CDK14: variants seen among roughly 807,000 people sequenced by gnomAD.
CDK14 encodes the protein cyclin-dependent kinase 14.
CDK14 carries 34 observed loss-of-function variants against 60.7 expected under a neutral mutation model. The observed-to-expected ratio is 0.56, with a 90% CI of 0.43 to 0.75. CDK14 has a LOEUF of 0.75. Among genes scored for constraint, CDK14 ranks in the 30% least tolerant of loss-of-function variants. CDK14 has a pLI of 0.00. For missense variants in CDK14, 482 were observed against 564.1 expected (o/e 0.85, Z 1.47); for synonymous variants, 197 against 203.7 (o/e 0.97, Z 0.28).
intron 14 of CDK14, among the ~76,000 whole-genome samples, chr7:91,135,787 G>T (rs1800262017): frequency 6.6e-6 from 1 of 152,116 alleles, no homozygotes; most frequent in Non-Finnish European, 1.5e-5. Context: ...CAGCACAAAA[G>T]AAGGGAATTT....
intron 14 of CDK14, among the ~76,000 whole-genome samples, chr7:91,188,670 G>C (rs969411532): frequency 6.6e-6 from 1 of 152,188 alleles, no homozygotes; most frequent in South Asian, 2.1e-4. Context: ...CAAATCGTCT[G>C]TCTTGGTGCT....
chr7:90,692,718 A>G (rs989051056), intron 2 of CDK14: 6 of 908,670 alleles, frequency 6.6e-6, no homozygotes, highest in Non-Finnish European at 7.9e-6. Flanking sequence ...TATATAATTT[A>G]TTTCCAAAGG....
chr7:91,118,744 G>T (rs892957405), intron 14 of CDK14, among the ~76,000 whole-genome samples: 1 of 152,178 alleles, frequency 6.6e-6, no homozygotes, highest in Non-Finnish European at 1.5e-5. Flanking sequence ...GTTTAGTTTA[G>T]CTCCCATCTG....
chr7:90,640,104 G>C (rs929947864), intron 2 of CDK14, among the ~76,000 whole-genome samples: 1 of 152,100 alleles, frequency 6.6e-6, no homozygotes, highest in Non-Finnish European at 1.5e-5. Context: ...TGCTTCAGCT[G>C]GCGCACGGTG....
At chr7:90,894,719 C>T (rs982276144) in intron 6 of CDK14, among the ~76,000 whole-genome samples, 1 of 152,158 alleles carries the variant, frequency 6.6e-6, no homozygotes, top group Non-Finnish European at 1.5e-5. Context: ...TAGAGTTCAT[C>T]TTATTTATGC....
In CDK14 at chr7:90,786,425, T is replaced by C. The variant is rs909488954; in HGVS notation, c.465-4148T>C. Among the ~76,000 whole-genome samples the C allele has an allele frequency of 7.8e-4, 119 of 152,230 alleles. 1 individual carries two copies. Among genetic ancestry groups the C allele is most frequent in the Non-Finnish European group, 2.1e-4 (14 of 68,028 alleles). On this transcript the variant is annotated intron_variant, in intron 4 of 14. Coordinates refer to ENST00000380050, the MANE Select transcript of CDK14 (RefSeq NM_001287135.2). ...TATTGATTCAATTTGAATTTTGTGA[T>C]TATTTCAAGTTATTTAAATCAACGT...
intron 11 of CDK14, among the ~76,000 whole-genome samples, chr7:91,051,273 G>A (rs1366898268): frequency 6.6e-6 from 1 of 152,048 alleles, no homozygotes; most frequent in Non-Finnish European, 1.5e-5. Flanking sequence ...CTCCAACATT[G>A]GGGATCACAT....
At chr7:91,181,260 T>C (rs1801991924) in intron 14 of CDK14, among the ~76,000 whole-genome samples, 1 of 152,196 alleles carries the variant, frequency 6.6e-6, no homozygotes, top group Non-Finnish European at 1.5e-5. Flanking sequence ...TCATAAAATT[T>C]TGTGGAAGAA....
At chr7:91,012,254 A>G (rs1011860358) in intron 10 of CDK14, among the ~76,000 whole-genome samples, 2 of 152,188 alleles carry the variant, frequency 1.3e-5, no homozygotes, top group African/African-American at 4.8e-5. Context: ...TACTCTGGCC[A>G]TGGGAATAGG....
intron 1 of CDK14, among the ~76,000 whole-genome samples, chr7:90,600,067 A>T (rs1479107783): frequency 1.3e-5 from 2 of 152,204 alleles, no homozygotes; most frequent in African/African-American, 4.8e-5. Context: ...GCTCTAATTT[A>T]TGACATCTGC....
chr7:90,780,775 G>A (rs1231844422), intron 4 of CDK14, among the ~76,000 whole-genome samples: 1 of 151,922 alleles, frequency 6.6e-6, no homozygotes, highest in Non-Finnish European at 1.5e-5. Context: ...GTGTATATGT[G>A]CCACATTTTC....
intron 6 of CDK14, among the ~76,000 whole-genome samples, chr7:90,870,044 G>A (rs546027063): frequency 6.6e-6 from 1 of 152,328 alleles, no homozygotes; most frequent in Non-Finnish European, 1.5e-5. Flanking sequence ...AAGAAAGTGA[G>A]TATCTAGCAT....
intron 5 of CDK14, among the ~76,000 whole-genome samples, chr7:90,839,083 A>G (rs1448522478): frequency 6.6e-6 from 1 of 152,058 alleles, no homozygotes; most frequent in African/African-American, 2.4e-5. Flanking sequence ...CTTTCTCTTT[A>G]TTTCTCAGAC....
At chr7:90,833,186 T>G (rs1267227825) in intron 5 of CDK14, among the ~76,000 whole-genome samples, 3 of 152,204 alleles carry the variant, frequency 2.0e-5, no homozygotes, top group Non-Finnish European at 4.4e-5. Context: ...ATGGGGATGC[T>G]TCCAACTATT....
At chr7:90,644,873 A>G (rs917960549) in intron 2 of CDK14, among the ~76,000 whole-genome samples, 1 of 152,196 alleles carries the variant, frequency 6.6e-6, no homozygotes, top group Non-Finnish European at 1.5e-5. Flanking sequence ...TGTAATGAGA[A>G]TATACATATA....
chr7:90,669,113 G>T (rs1293645371), intron 2 of CDK14, among the ~76,000 whole-genome samples: 1 of 151,718 alleles, frequency 6.6e-6, no homozygotes, highest in African/African-American at 2.4e-5. Flanking sequence ...TACCTCATCT[G>T]CCATCCCATC....
At chr7:90,926,077 A>G (rs966729759) in intron 8 of CDK14, among the ~76,000 whole-genome samples, 2 of 152,178 alleles carry the variant, frequency 1.3e-5, no homozygotes, top group African/African-American at 4.8e-5. Context: ...TATTCCTAAT[A>G]TTATTGTTAC....
intron 2 of CDK14, among the ~76,000 whole-genome samples, chr7:90,667,668 C>T (rs951759725): frequency 6.6e-6 from 1 of 151,676 alleles, no homozygotes; most frequent in Admixed American, 6.6e-5. Context: ...CTCCTGGGTT[C>T]ACACCATTCT....
intron 10 of CDK14, among the ~76,000 whole-genome samples, chr7:91,042,285 TCTTTA>T (rs1797113657): frequency 6.6e-6 from 1 of 152,120 alleles, no homozygotes; most frequent in Non-Finnish European, 1.5e-5. Context: ...TCCCACCCTT[TCTTTA>T]CTTGGCAAAC....
Sources: allele counts gnomAD v4.1 joint callset (sites outside exome capture counted in the v4.1 genomes callset), GRCh38; gene constraint gnomAD v4.1.1; transcripts MANE v1.5; gene names NCBI Gene and HGNC (gene_info 2026-07-23, HGNC 2026-07-21).